The following CYP2C19 variants were observed in gnomAD, a reference collection of about 807,000 sequenced individuals.
The protein encoded by CYP2C19 is cytochrome P450 family 2 subfamily C member 19.
A neutral mutation model predicts 40.9 loss-of-function variants in CYP2C19; 59 were observed. The ratio of observed to expected loss-of-function variants is 1.44; its 90% confidence interval spans 1.17 to 1.79. The LOEUF (loss-of-function observed/expected upper bound fraction) is 1.79. Among genes scored for constraint, CYP2C19 ranks in the 40% most tolerant of loss-of-function variants. The pLI, the probability that CYP2C19 is intolerant of heterozygous loss-of-function variation, is 0.00. For synonymous variants in CYP2C19, 253 were observed against 208.7 expected (o/e 1.21, Z -1.83); for missense variants, 754 against 596.9 (o/e 1.26, Z -2.74).
In CYP2C19 at chr10:94,841,305, T is replaced by G. The variant is rs538546242; in HGVS notation, c.962-1532T>G. Among the ~76,000 whole-genome samples, 3 of 152,300 alleles carry G rather than the reference T, an allele frequency of 2.0e-5. No individual in the cohort carries two copies. The East Asian group carries it at 5.8e-4, about 29-fold the overall frequency. ...GGCAAGATTTTAGCCCTATCGGGAA[T>G]GGCAATGGGACCCTCACTGGATCAG... On this transcript the variant is annotated intron_variant, in intron 6 of 8. Transcript: ENST00000371321.
chr10:94,848,081 A>G lies in CYP2C19; in HGVS notation c.1150-1836A>G, dbSNP rs535323026. Among the ~76,000 whole-genome samples the G allele has an allele frequency of 1.2e-3, 187 of 152,228 alleles. 1 individual carries two copies. In the South Asian group the frequency reaches 0.038, roughly 31 times the overall value. ...TGCTGTGCAGAAGCTCTTTAGTTTT[A>G]TTAGATCCCATTTGTCAATTTTGGC... is the stretch of plus-strand genomic sequence containing the variant. On this transcript the variant is annotated intron_variant, in intron 7 of 8. Transcript: ENST00000371321.
intron 5 of CYP2C19, among the ~76,000 whole-genome samples, chr10:94,801,192 T>C (rs1242431692): frequency 6.6e-6 from 1 of 152,250 alleles, no homozygotes; most frequent in Non-Finnish European, 1.5e-5. Flanking sequence ...GTTAGGATGC[T>C]GATTTTAGAT....
chr10:94,797,225 C>T (rs181632398), intron 5 of CYP2C19, among the ~76,000 whole-genome samples: 20 of 151,968 alleles, frequency 1.3e-4, no homozygotes, highest in African/African-American at 4.1e-4. Context: ...TTGTTGAAGG[C>T]CTTTTCTGTA....
At chr10:94,767,458 A>G (rs972302898) in intron 1 of CYP2C19, among the ~76,000 whole-genome samples, 2 of 152,166 alleles carry the variant, frequency 1.3e-5, no homozygotes, top group African/African-American at 2.4e-5. Flanking sequence ...GAAAGCTTCT[A>G]TCCAATTTGT....
chr10:94,850,012 A>C lies in CYP2C19; in HGVS notation c.1245A>C (p.Glu415Asp), dbSNP rs527499296. The C allele has an allele frequency of 6.2e-7, 1 of 1,613,694 alleles. No homozygotes were observed. The highest frequency in any genetic ancestry group is 1.3e-5 in the African/African-American group (1 of 75,010). The change falls in exon 8 of 9, where the codon GAA (glutamate) becomes GAC (aspartate). Residue 415 changes from glutamate to aspartate, a missense_variant. Transcript: ENST00000371321. ...EMFDPRHFLDEGGNFKKSNYF... is the reference protein window; with the variant it reads ...EMFDPRHFLDDGGNFKKSNYF... ...TTGACCCTCGTCACTTTCTGGATGA[A>C]GGTGGAAATTTTAAGAAAAGTAACT...
intron 5 of CYP2C19, among the ~76,000 whole-genome samples, chr10:94,816,040 GA>G (rs547495991): frequency 7.1e-4 from 108 of 152,124 alleles, no homozygotes; most frequent in Middle Eastern, 3.4e-3. Flanking sequence ...TTTGTGTTTT[GA>G]GAATGAAAGA....
At chr10:94,772,856 G>A (rs900758900) in intron 1 of CYP2C19, among the ~76,000 whole-genome samples, 26 of 152,244 alleles carry the variant, frequency 1.7e-4, no homozygotes, top group South Asian at 8.3e-4. Flanking sequence ...ACCTTGGCTC[G>A]CTGCAAGCTC....
chr10:94,818,936 A>G (rs185727935), intron 5 of CYP2C19, among the ~76,000 whole-genome samples: 2 of 151,792 alleles, frequency 1.3e-5, no homozygotes, highest in African/African-American at 2.4e-5. Flanking sequence ...CAGAATATAC[A>G]TTTTTTTCAG....
intron 6 of CYP2C19, among the ~76,000 whole-genome samples, chr10:94,821,613 A>G (rs1849122975): frequency 3.3e-5 from 5 of 152,118 alleles, no homozygotes; most frequent in Admixed American, 3.3e-4. Flanking sequence ...CAATAATTTT[A>G]TCTTTTATGA....
chr10:94,808,305 G>C (rs1848863995), intron 5 of CYP2C19, among the ~76,000 whole-genome samples: 3 of 151,832 alleles, frequency 2.0e-5, no homozygotes, highest in Non-Finnish European at 4.4e-5. Context: ...AATGTTTCTG[G>C]GTACACAGAA....
chr10:94,818,763 T>G (rs1464622510), intron 5 of CYP2C19, among the ~76,000 whole-genome samples: 2 of 149,918 alleles, frequency 1.3e-5, no homozygotes, highest in African/African-American at 4.9e-5. Context: ...TTTGCTGAAG[T>G]TGCTTATCAG....
chr10:94,845,186 T>A (rs1221647261), intron 7 of CYP2C19, among the ~76,000 whole-genome samples: 1 of 152,202 alleles, frequency 6.6e-6, no homozygotes, highest in Non-Finnish European at 1.5e-5. Flanking sequence ...GTTGGCAAAC[T>A]GTTCCTGTAA....
chr10:94,807,590 G>A (rs567161548), intron 5 of CYP2C19, among the ~76,000 whole-genome samples: 1 of 152,160 alleles, frequency 6.6e-6, no homozygotes, highest in African/African-American at 2.4e-5. Context: ...ATTCTAACTG[G>A]AGTGAGCTGA....
At chr10:94,839,973 C>T (rs1241575280) in intron 6 of CYP2C19, among the ~76,000 whole-genome samples, 1 of 151,898 alleles carries the variant, frequency 6.6e-6, no homozygotes, top group African/African-American at 2.4e-5. Context: ...TAGTGAGCTA[C>T]CTTTTTGCTT....
intron 1 of CYP2C19, 117 bp downstream of exon 1, chr10:94,762,990 T>C: frequency 9.0e-7 from 1 of 1,116,730 alleles, no homozygotes; most frequent in South Asian, 1.4e-5. Flanking sequence ...TAAAATACTT[T>C]GAAAGGCTTT....
At chr10:94,791,098 G>T (rs1188810501) in intron 5 of CYP2C19, among the ~76,000 whole-genome samples, 2 of 152,070 alleles carry the variant, frequency 1.3e-5, no homozygotes, top group East Asian at 1.9e-4. Flanking sequence ...AGTCTTGGGA[G>T]GGTGTATGTG....
chr10:94,849,883 TACAGCTCAGTTC>T, intron 7 of CYP2C19, 22 bp from the exon 8 acceptor site: 5 of 1,613,160 alleles, frequency 3.1e-6, no homozygotes, highest in Non-Finnish European at 4.2e-6. Context: ...GTGACTTCTT[TACAGCTCAGTTC>T]ACCTATGTCT....
intron 6 of CYP2C19, among the ~76,000 whole-genome samples, chr10:94,823,715 A>G (rs1275025093): frequency 6.6e-6 from 1 of 152,232 alleles, no homozygotes; most frequent in Non-Finnish European, 1.5e-5. Context: ...AATATTATTT[A>G]GCATATTAAT....
intron 6 of CYP2C19, among the ~76,000 whole-genome samples, chr10:94,830,353 C>G (rs927594594): frequency 1.3e-5 from 2 of 152,226 alleles, no homozygotes; most frequent in Admixed American, 1.3e-4. Flanking sequence ...GATATAATCT[C>G]GTGGTGCACC....
Sources: allele counts gnomAD v4.1 joint callset (sites outside exome capture counted in the v4.1 genomes callset), GRCh38; gene constraint gnomAD v4.1.1; transcripts MANE v1.5; gene names NCBI Gene and HGNC (gene_info 2026-07-23, HGNC 2026-07-21).